CCDC124: variants seen among roughly 807,000 people sequenced by gnomAD.
CCDC124 encodes the protein coiled-coil domain-containing protein 124.
In CCDC124, 9 loss-of-function variants were observed where a neutral mutation model predicts 19.8. That is an observed-to-expected ratio of 0.45 (90% CI 0.27 to 0.79). CCDC124 has a LOEUF of 0.79. CCDC124 is among the 30% of genes least tolerant of loss of function. The probability of loss-of-function intolerance (pLI) is 0.14; values close to 1 mark genes in which losing one functional copy is unlikely to be tolerated. For missense variants in CCDC124, 285 were observed against 319.0 expected (o/e 0.89, Z 0.81); for synonymous variants, 126 against 131.3 (o/e 0.96, Z 0.27).
Position 17,943,241 on chromosome 19 carries a change from T to TGGGGGGG in CCDC124, c.350-20_350-19insGGGGGGG. ...CTTTGCTTATCTCTCTCTGTCTCTG[T>TGGGGGGG]CACCCACCCACCCGCCCAGCCGAGA... On this transcript the variant is annotated intron_variant, in intron 3 of 4. Coordinates refer to ENST00000445755, the MANE Select transcript of CCDC124 (RefSeq NM_001136203.2). 9.5e-6 allele frequency: 7 copies of TGGGGGGG among 736,582 alleles called. No homozygotes were observed. Among genetic ancestry groups the TGGGGGGG allele is most frequent in the Non-Finnish European group, 1.4e-5 (6 of 414,910 alleles). 45.6% of individuals were successfully genotyped at this position (736,582 alleles called of 1,614,324 possible).
intron 2 of CCDC124, among the ~76,000 whole-genome samples, chr19:17,941,004 G>T (rs1441707614): frequency 6.7e-6 from 1 of 149,794 alleles, no homozygotes; most frequent in African/African-American, 2.5e-5. Flanking sequence ...CCGAGATGGC[G>T]CCACTGCACT....
chr19:17,933,737 C>T (rs2030994985), intron 1 of CCDC124, among the ~76,000 whole-genome samples: 1 of 152,166 alleles, frequency 6.6e-6, no homozygotes, highest in South Asian at 2.1e-4. Flanking sequence ...TAGATGTCTC[C>T]TTTAGGAAGC....
rs751687565 is a variant in CCDC124 at position 17,936,396 on chromosome 19, TC to T, written c.-11-12del. On this transcript the variant is annotated splice_polypyrimidine_tract_variant and intron_variant, in intron 1 of 4. Coordinates refer to ENST00000445755, the MANE Select transcript of CCDC124 (RefSeq NM_001136203.2). The stretch of plus-strand genomic sequence containing the variant: ...TCCGGCCCCTGCTCCCCCATCCCCA[TC>T]CTCTTCCCGCAGCCTGCTGAGGGAT... 2 of 1,595,500 alleles carry T rather than the reference TC, an allele frequency of 1.3e-6. No individual in the cohort carries two copies. The highest frequency in any genetic ancestry group is 1.7e-6 in the Non-Finnish European group (2 of 1,167,518).
At chr19:17,939,666 A>G (rs566115509) in intron 2 of CCDC124, among the ~76,000 whole-genome samples, 1 of 151,408 alleles carries the variant, frequency 6.6e-6, no homozygotes, top group South Asian at 2.1e-4. Context: ...TCTGTCGCAC[A>G]GGCTGGAGTG....
intron 1 of CCDC124, among the ~76,000 whole-genome samples, 192 bp downstream of exon 1, chr19:17,933,240 C>T (rs980948233): frequency 2.0e-5 from 3 of 152,176 alleles, no homozygotes; most frequent in Non-Finnish European, 2.9e-5. Flanking sequence ...CGATTGAAGC[C>T]CGACGCGACA....
Position 17,943,910 on chromosome 19 carries a change from C to G in CCDC124, c.*195C>G, listed in dbSNP as rs1568440071. 3.3e-6 allele frequency: 2 copies of G among 608,668 alleles called. No individual in the cohort carries two copies. Among genetic ancestry groups the G allele is most frequent in the Admixed American group, 2.9e-5 (1 of 33,950 alleles). The allele number at this position is 608,668 out of a possible 1,614,324, so 37.7% of individuals were successfully genotyped here. The stretch of plus-strand genomic sequence containing the variant: ...GCCCCGAGTGACACCCCATCCCCTC[C>G]CATCCCCCGGCGCGTGTGTGTAGAG... On this transcript the variant is annotated 3_prime_UTR_variant, in exon 5 of 5. Transcript: ENST00000445755.
chr19:17,938,184 G>T (rs1286502488), intron 2 of CCDC124, among the ~76,000 whole-genome samples: 1 of 151,940 alleles, frequency 6.6e-6, no homozygotes, highest in African/African-American at 2.4e-5. Flanking sequence ...CACAAAACAT[G>T]TACAAATTAG....
At chr19:17,933,377 T>C (rs938015927) in intron 1 of CCDC124, among the ~76,000 whole-genome samples, 3 of 152,170 alleles carry the variant, frequency 2.0e-5, no homozygotes, top group Admixed American at 2.0e-4. Flanking sequence ...TCAAAAGGGA[T>C]AGCCGGGAGG....
intron 2 of CCDC124, among the ~76,000 whole-genome samples, chr19:17,940,955 G>A (rs2031165794): frequency 6.6e-6 from 1 of 151,874 alleles, no homozygotes; most frequent in African/African-American, 2.4e-5. Flanking sequence ...GCTGAGGCAG[G>A]AGAATGGCAT....
intron 1 of CCDC124, among the ~76,000 whole-genome samples, chr19:17,934,110 G>A (rs2031007356): frequency 6.6e-6 from 1 of 151,438 alleles, no homozygotes; most frequent in Non-Finnish European, 1.5e-5. Context: ...GATCACTTGA[G>A]GTCAAGAGTT....
chr19:17,936,526 G>T lies in CCDC124; in HGVS notation c.106G>T (p.Asp36Tyr), dbSNP rs943187105. The change falls in exon 2 of 5, where the codon GAT (aspartate) becomes TAT (tyrosine). Residue 36 changes from aspartate to tyrosine, a missense_variant. Transcript: ENST00000445755. ...TGCCAAGAAGCAGAAGGAGCTGGAG[G>T]ATGCCTACTGGAAGGACGACGACAA... is the stretch of plus-strand genomic sequence containing the variant. The part of the protein sequence containing the change: ...ADAKKQKELE[D>Y]AYWKDDDKHV... 6.2e-7 allele frequency: 1 copy of T among 1,613,658 alleles called. No homozygotes were observed. Among genetic ancestry groups the T allele is most frequent in the Admixed American group, 1.7e-5 (1 of 59,928 alleles).
At position 17,942,074 on chromosome 19, in the gene CCDC124, C is replaced by T. The variant is rs1012978604; in HGVS notation, c.160-582C>T. Among the ~76,000 whole-genome samples, 9 of 152,164 alleles carry T rather than the reference C, an allele frequency of 5.9e-5. No homozygotes were observed. The highest frequency in any genetic ancestry group is 1.2e-4 in the Non-Finnish European group (8 of 68,006). ...CTCATCCAGCCAGCATCAGGGCTTCCCTGGGCGGCCGATGTGGAATCAGTT... is the reference window on the plus strand; with the variant it reads ...CTCATCCAGCCAGCATCAGGGCTTCTCTGGGCGGCCGATGTGGAATCAGTT... On this transcript the variant is annotated intron_variant, in intron 2 of 4. Transcript: ENST00000445755. The surrounding 1 kb of genome is among the most constrained non-coding windows in gnomAD (Gnocchi z 4.2).
intron 2 of CCDC124, among the ~76,000 whole-genome samples, chr19:17,939,103 T>C (rs2031120816): frequency 6.6e-6 from 1 of 152,102 alleles, no homozygotes; most frequent in Non-Finnish European, 1.5e-5. Flanking sequence ...CTGTCAAAGA[T>C]GCAGTATCCA....
intron 1 of CCDC124, 97 bp from the exon 2 acceptor site, chr19:17,936,313 C>T: frequency 9.5e-7 from 1 of 1,047,714 alleles, no homozygotes; most frequent in Non-Finnish European, 1.4e-6. Flanking sequence ...CACAGAGGCC[C>T]CAAGAGGGTC....
chr19:17,937,167 G>T (rs111569454), intron 2 of CCDC124, among the ~76,000 whole-genome samples: 11,622 of 151,966 alleles, frequency 0.076, 587 homozygotes, highest in Non-Finnish European at 0.12. Flanking sequence ...TGTAATCCCA[G>T]CTACTCGGGA....
Position 17,942,852 on chromosome 19 carries a change from C to T in CCDC124, c.349+7C>T, listed in dbSNP as rs1044565164. 3.3e-5 allele frequency: 49 copies of T among 1,493,086 alleles called. No homozygotes were observed. Among genetic ancestry groups the T allele is most frequent in the Admixed American group, 4.7e-5 (2 of 42,236 alleles). 92.5% of individuals were successfully genotyped at this position (1,493,086 alleles called of 1,614,324 possible). ...AGGGAGGCCCCGGACACAGGTCGGG[C>T]GGCATCCCGCTCTGGAGCTGCACTT... On this transcript the variant is annotated splice_region_variant and intron_variant, in intron 3 of 4. Transcript: ENST00000445755. The surrounding 1 kb of genome is among the most constrained non-coding windows in gnomAD (Gnocchi z 4.2).
At chr19:17,943,461 G>C in intron 4 of CCDC124, 47 bp from the exon 5 acceptor site, 1 of 1,590,110 alleles carries the variant, frequency 6.3e-7, no homozygotes, top group Non-Finnish European at 8.5e-7. Context: ...GGGCTTTTCG[G>C]GGCAAGGCTG....
chr19:17,937,655 A>G (rs2031094074), intron 2 of CCDC124, among the ~76,000 whole-genome samples: 1 of 152,140 alleles, frequency 6.6e-6, no homozygotes, highest in Non-Finnish European at 1.5e-5. Flanking sequence ...AGCAGTGCTG[A>G]GGCTGAGAAA....
Position 17,943,276 on chromosome 19 carries a change from G to A in CCDC124, c.365G>A (p.Ser122Asn), listed in dbSNP as rs1369288213. ...EAPDTAEKAK[S>N]HLEVPLEENV... is the part of the protein sequence containing the mutation. Reference sequence around the variant, plus strand: ...ACCCGCCCAGCCGAGAAAGCCAAGAGCCATCTGGAGGTGCCGCTGGAGGAG... The same window carrying A: ...ACCCGCCCAGCCGAGAAAGCCAAGAACCATCTGGAGGTGCCGCTGGAGGAG... The change falls in exon 4 of 5, where the codon AGC becomes AAC. Residue 122 changes from serine to asparagine, a missense_variant. Coordinates refer to ENST00000445755, the MANE Select transcript of CCDC124 (RefSeq NM_001136203.2). 9.2e-7 allele frequency: 1 copy of A among 1,081,164 alleles called. No individual in the cohort carries two copies. The highest frequency in any genetic ancestry group is 1.2e-6 in the Non-Finnish European group (1 of 806,624). The allele number at this position is 1,081,164 out of a possible 1,614,324, so 67.0% of individuals were successfully genotyped here.
Sources: allele counts gnomAD v4.1 joint callset (sites outside exome capture counted in the v4.1 genomes callset), GRCh38; gene constraint gnomAD v4.1.1; non-coding constraint Gnocchi (gnomAD v3.1); transcripts MANE v1.5; gene names NCBI Gene and HGNC (gene_info 2026-07-23, HGNC 2026-07-21).